Variants in TRPM8 observed in about 807,000 individuals in gnomAD.
TRPM8 encodes the protein TRPM8 cationic channel.
TRPM8 carries 110 observed loss-of-function variants against 133.7 expected under a neutral mutation model. That is an observed-to-expected ratio of 0.82 (90% CI 0.70 to 0.96). TRPM8 has a LOEUF of 0.96. Among genes scored for constraint, TRPM8 ranks in the 40% least tolerant of loss-of-function variants. The pLI, the probability that TRPM8 is intolerant of heterozygous loss-of-function variation, is 0.00. For missense variants in TRPM8, 1,291 were observed against 1,379.5 expected, an observed-to-expected ratio of 0.94 and a Z score of 1.02; for synonymous variants, 535 against 532.3, an observed-to-expected ratio of 1.01 and a Z score of -0.07.
intron 22 of TRPM8, among the ~76,000 whole-genome samples, chr2:234,001,873 G>A (rs1692573319): frequency 6.6e-6 from 1 of 152,168 alleles, no homozygotes; most frequent in East Asian, 1.9e-4. Context: ...GACTGGGAGA[G>A]CTGATTCAAC....
chr2:233,982,039 T>C (rs1574757521), intron 19 of TRPM8, 124 bp downstream of exon 19: 2 of 1,108,928 alleles, frequency 1.8e-6, no homozygotes, highest in East Asian at 5.2e-5. Context: ...ACATTCGCTT[T>C]CTTTGATGTA....
At chr2:233,952,331 A>G (rs1478732508) in intron 9 of TRPM8, among the ~76,000 whole-genome samples, 2 of 152,120 alleles carry the variant, frequency 1.3e-5, no homozygotes, top group Non-Finnish European at 2.9e-5. Flanking sequence ...GGTGTTTGGA[A>G]GAAAGGTAAC....
rs1691232014 is a variant in TRPM8, at chr2:233,953,994, T to C, written c.1218T>C (p.Asn406=). 1.9e-6 allele frequency: 3 copies of C among 1,613,886 alleles called. No individual in the cohort carries two copies. The highest frequency in any genetic ancestry group is 2.5e-6 in the Non-Finnish European group (3 of 1,179,842). ...MEEAGDEIVS[N]AISYALYKAF... is the part of the protein sequence containing the mutation. ...AAGCTGGGGATGAAATTGTGAGCAATGCCATCTCCTACGCTCTATACAAAG... is the reference window on the plus strand; with the variant it reads ...AAGCTGGGGATGAAATTGTGAGCAACGCCATCTCCTACGCTCTATACAAAG... The change falls in exon 10 of 26, where the codon AAT becomes AAC. Residue 406 remains asparagine, a synonymous_variant. Transcript: ENST00000324695.
intron 17 of TRPM8, among the ~76,000 whole-genome samples, chr2:233,974,588 G>C (rs1420424749): frequency 6.6e-6 from 1 of 152,166 alleles, no homozygotes; most frequent in Non-Finnish European, 1.5e-5. Context: ...CAGCCCGCTG[G>C]TTCCTGGCAG....
At chr2:233,972,467 C>T (rs34796091) in intron 17 of TRPM8, among the ~76,000 whole-genome samples, 13,495 of 152,314 alleles carry the variant, frequency 0.089, 1,527 homozygotes, top group East Asian at 0.39. Context: ...GCTGTGCGCC[C>T]GCACTCCTCA....
intron 11 of TRPM8, among the ~76,000 whole-genome samples, chr2:233,957,508 A>C (rs534021755): frequency 3.4e-4 from 51 of 151,970 alleles, no homozygotes; most frequent in Non-Finnish European, 7.1e-4. Flanking sequence ...AAACACACAC[A>C]AAAAAAACCC....
Position 233,980,266 on chromosome 2 carries a change from G to T in TRPM8, c.2434G>T (p.Gly812Ter). ...DTLGLFYFIA[G>*]IVFRLHSSNK... Reference sequence around the variant, plus strand: ...GCTGGGGCTTTTTTACTTCATAGCAGGAATTGTATTTCGGTAAGTAGTCTC... The same window carrying T: ...GCTGGGGCTTTTTTACTTCATAGCATGAATTGTATTTCGGTAAGTAGTCTC... Residue 812 changes from glycine (G) to a stop codon, truncating the protein, a stop_gained, in exon 18 of 26, where the codon GGA (glycine) becomes TGA (stop). Transcript: ENST00000324695. LOFTEE classifies it high-confidence loss of function. 1 of 1,593,958 alleles carries T rather than the reference G, an allele frequency of 6.3e-7. No homozygotes were observed. The highest frequency in any genetic ancestry group is 2.2e-5 in the East Asian group (1 of 44,456).
intron 11 of TRPM8, among the ~76,000 whole-genome samples, chr2:233,955,841 A>G (rs1288839732): frequency 6.6e-6 from 1 of 152,204 alleles, no homozygotes; most frequent in East Asian, 1.9e-4. Context: ...TATTTACACC[A>G]GCTCCCCATT....
intron 21 of TRPM8, among the ~76,000 whole-genome samples, chr2:233,986,066 A>G (rs749871103): frequency 4.9e-4 from 75 of 152,234 alleles, no homozygotes; most frequent in Non-Finnish European, 9.4e-4. Flanking sequence ...AGTTTATTTG[A>G]CACTGAAGAC....
chr2:233,947,244 A>T (rs1691066229), intron 8 of TRPM8, 89 bp downstream of exon 8: 1 of 1,582,198 alleles, frequency 6.3e-7, no homozygotes, highest in Non-Finnish European at 8.6e-7. Context: ...ATCTAATCTA[A>T]CCTAATTGAT....
At chr2:233,971,688 C>T (rs574066039) in intron 17 of TRPM8, among the ~76,000 whole-genome samples, 1 of 152,102 alleles carries the variant, frequency 6.6e-6, no homozygotes, top group South Asian at 2.1e-4. Context: ...GAGTTTCTTC[C>T]TTCTGGTGGG....
At chr2:233,995,682 T>C (rs772469577) in intron 21 of TRPM8, among the ~76,000 whole-genome samples, 2 of 152,216 alleles carry the variant, frequency 1.3e-5, no homozygotes, top group Non-Finnish European at 2.9e-5. Flanking sequence ...TTAATCGTAA[T>C]GTGTGACACA....
At chr2:234,004,259 C>T (rs756346446) in intron 22 of TRPM8, among the ~76,000 whole-genome samples, 20 of 152,182 alleles carry the variant, frequency 1.3e-4, no homozygotes, top group Non-Finnish European at 1.9e-4. Context: ...GAATAGGAGA[C>T]AACAGAAGGA....
chr2:233,960,352 T>C (rs535168867), intron 11 of TRPM8, among the ~76,000 whole-genome samples: 11 of 152,290 alleles, frequency 7.2e-5, no homozygotes, highest in Non-Finnish European at 1.0e-4. Flanking sequence ...TGGGTCATAA[T>C]TGGTATCTGC....
At chr2:233,997,882 C>T (rs2362295) in intron 22 of TRPM8, among the ~76,000 whole-genome samples, 119,413 of 152,024 alleles carry the variant, frequency 0.79, 47,100 homozygotes, top group African/African-American at 0.85. Context: ...CTGTCAGCCA[C>T]ATGTCCTTTG....
Position 234,017,597 on chromosome 2 carries a change from A to G in TRPM8, c.*341A>G, listed in dbSNP as rs1692988120. Reference sequence around the variant, plus strand: ...CTTTAATCTTATTTTTGATGAACACATATATAGGAGAACATCTATCCTATG... The same window carrying G: ...CTTTAATCTTATTTTTGATGAACACGTATATAGGAGAACATCTATCCTATG... On this transcript the variant is annotated 3_prime_UTR_variant, in exon 26 of 26. Coordinates refer to ENST00000324695, the MANE Select transcript of TRPM8 (RefSeq NM_024080.5). 1 of 269,416 alleles carries G rather than the reference A, an allele frequency of 3.7e-6. No homozygotes were observed. The highest frequency in any genetic ancestry group is 2.3e-5 in the African/African-American group (1 of 44,382). The allele number at this position is 269,416 out of a possible 1,614,324, so 16.7% of individuals were successfully genotyped here.
chr2:234,001,649 G>C (rs1692565854), intron 22 of TRPM8, among the ~76,000 whole-genome samples: 1 of 151,464 alleles, frequency 6.6e-6, no homozygotes, highest in African/African-American at 2.4e-5. Context: ...ATGAAAAGGA[G>C]CACCCCCCCT....
intron 21 of TRPM8, among the ~76,000 whole-genome samples, chr2:233,990,336 G>A (rs1411140481): frequency 6.6e-6 from 1 of 152,210 alleles, no homozygotes; most frequent in Non-Finnish European, 1.5e-5. Context: ...AGAGTTGACT[G>A]CAAAGCCAAA....
intron 9 of TRPM8, among the ~76,000 whole-genome samples, chr2:233,950,650 A>G (rs1691152916): frequency 6.6e-6 from 1 of 152,212 alleles, no homozygotes; most frequent in South Asian, 2.1e-4. Flanking sequence ...GCAGCTGCAG[A>G]CCAGGGCACT....
Sources: allele counts gnomAD v4.1 joint callset (sites outside exome capture counted in the v4.1 genomes callset), GRCh38; gene constraint gnomAD v4.1.1; transcripts MANE v1.5; gene names NCBI Gene and HGNC (gene_info 2026-07-23, HGNC 2026-07-21).